Variants in EZR observed in about 807,000 individuals in gnomAD.
The protein encoded by EZR is ezrin.
Under a neutral mutation model 74.8 loss-of-function variants are expected in EZR, and 40 were observed. The observed-to-expected ratio is 0.53, with a 90% CI of 0.42 to 0.70. The LOEUF is 0.70. Among genes scored for constraint, EZR ranks in the 30% least tolerant of loss-of-function variants. EZR has a pLI of 0.00. For synonymous variants in EZR, 341 were observed against 283.3 expected (o/e 1.20, Z -2.05); for missense variants, 678 against 755.8 (o/e 0.90, Z 1.21).
chr6:158,767,621 A>T, intron 12 of EZR, 109 bp from the exon 13 acceptor site: 1 of 1,227,138 alleles, frequency 8.1e-7, no homozygotes, highest in Non-Finnish European at 1.1e-6. Flanking sequence ...GGCAGCACTG[A>T]ACTGTGCTGG....
In EZR at chr6:158,818,181, G is replaced by A. The variant is rs1777603944; in HGVS notation, c.-73-15C>T. The A allele has an allele frequency of 2.0e-6, 3 of 1,487,522 alleles. No homozygotes were observed. Among genetic ancestry groups the A allele is most frequent in the African/African-American group, 1.4e-5 (1 of 71,980 alleles). 92.1% of individuals were successfully genotyped at this position (1,487,522 alleles called of 1,614,324 possible). ...GCTGTCCCAACCTGGAGTCAGAGCA[G>A]AACCCTTAGAGCGCCCGCCCGCCCT... On this transcript the variant is annotated splice_polypyrimidine_tract_variant and intron_variant, in intron 1 of 13. Coordinates refer to ENST00000367075, the MANE Select transcript of EZR (RefSeq NM_001111077.2).
intron 11 of EZR, 99 bp from the exon 12 acceptor site, chr6:158,769,517 G>C (rs543365894): frequency 8.0e-7 from 1 of 1,251,048 alleles, no homozygotes; most frequent in Non-Finnish European, 1.1e-6. Flanking sequence ...AGTCTCCAAC[G>C]TGACACCTGA....
chr6:158,769,237 C>A, intron 12 of EZR, 89 bp downstream of exon 12: 1 of 1,137,308 alleles, frequency 8.8e-7, no homozygotes, highest in Non-Finnish European at 1.3e-6. Flanking sequence ...ACCTCTCCCC[C>A]AACCCACCCA....
At chr6:158,807,723 CT>C (rs1387450822) in intron 2 of EZR, among the ~76,000 whole-genome samples, 1 of 152,188 alleles carries the variant, frequency 6.6e-6, no homozygotes, top group Non-Finnish European at 1.5e-5. Flanking sequence ...TCACCACCCC[CT>C]GACGATGTAT....
At chr6:158,805,608 C>T (rs914935203) in intron 2 of EZR, among the ~76,000 whole-genome samples, 1 of 152,102 alleles carries the variant, frequency 6.6e-6, no homozygotes, top group African/African-American at 2.4e-5. Flanking sequence ...TTTAAAAAAT[C>T]CAAACTAAAT....
rs778674522 is a variant in EZR at position 158,767,431 on chromosome 6, G to C, written c.1426C>G (p.Pro476Ala). Residue 476 changes from proline (P) to alanine (A), a missense_variant, in exon 13 of 14, where the codon CCC becomes GCC. Around this residue, in one of 3 missense-constraint regions of EZR, gnomAD observed 342 missense variants for 341.2 expected, o/e 1.00. Transcript: ENST00000367075. Reference sequence around the variant, plus strand: ...TGGTAGCTCACCGGCTCGTACACGGGGGGTGGTGGGGGCGGGGGTGCTGTC... The same window carrying C: ...TGGTAGCTCACCGGCTCGTACACGGCGGGTGGTGGGGGCGGGGGTGCTGTC... Reference protein sequence around the residue: ...VMTAPPPPPPPVYEPVSYHVQ... With the variant: ...VMTAPPPPPPAVYEPVSYHVQ... 8.1e-6 allele frequency: 13 copies of C among 1,613,630 alleles called. No individual in the cohort carries two copies. In the Admixed American group the frequency reaches 1.0e-4, roughly 12 times the overall value.
At chr6:158,810,814 T>C (rs1011526195) in intron 2 of EZR, among the ~76,000 whole-genome samples, 2 of 152,200 alleles carry the variant, frequency 1.3e-5, no homozygotes, top group Non-Finnish European at 2.9e-5. Flanking sequence ...GCTTACAGCA[T>C]CTTAAGATGA....
At chr6:158,782,526 G>A (rs552502040) in intron 7 of EZR, among the ~76,000 whole-genome samples, 41 of 152,332 alleles carry the variant, frequency 2.7e-4, no homozygotes, top group African/African-American at 9.1e-4. Context: ...GGAACTCTGG[G>A]CCACTCTGCT....
At chr6:158,787,001 C>T (rs1791599243) in intron 4 of EZR, 107 bp downstream of exon 4, 2 of 893,204 alleles carry the variant, frequency 2.2e-6, no homozygotes, top group East Asian at 5.1e-5. Flanking sequence ...TTTACACAAA[C>T]AAAAAGGAAC....
At position 158,797,549 on chromosome 6, in the gene EZR, C is replaced by T. The variant is rs1334332546; in HGVS notation, c.13-8178G>A. Among the ~76,000 whole-genome samples, 3 of 152,152 alleles carry T rather than the reference C, an allele frequency of 2.0e-5. No individual in the cohort carries two copies. In the East Asian group the frequency reaches 5.8e-4, roughly 29 times the overall value. On this transcript the variant is annotated intron_variant, in intron 2 of 13. Coordinates refer to ENST00000367075, the MANE Select transcript of EZR (RefSeq NM_001111077.2). ...TTAAAATGTCAACGCTGTTTTCCAA[C>T]ATTCCAGCCTTCTTCCGAAGGTGCC...
At chr6:158,773,069 C>A (rs1463365670) in intron 8 of EZR, among the ~76,000 whole-genome samples, 1 of 152,100 alleles carries the variant, frequency 6.6e-6, no homozygotes, top group Non-Finnish European at 1.5e-5. Flanking sequence ...TTTTTATGAC[C>A]CACCTATCCC....
chr6:158,801,076 A>G (rs527969666), intron 2 of EZR, among the ~76,000 whole-genome samples: 6 of 152,324 alleles, frequency 3.9e-5, no homozygotes, highest in Non-Finnish European at 8.8e-5. Context: ...TCGAGCCTGC[A>G]GTGAGCCATG....
intron 2 of EZR, among the ~76,000 whole-genome samples, chr6:158,817,431 C>CG (rs1425791128): frequency 6.6e-6 from 1 of 152,302 alleles, no homozygotes; most frequent in East Asian, 1.9e-4. Context: ...CAGGAGTGCT[C>CG]GGCCCGGCCT....
At chr6:158,800,181 G>A (rs1199293381) in intron 2 of EZR, among the ~76,000 whole-genome samples, 1 of 152,164 alleles carries the variant, frequency 6.6e-6, no homozygotes, top group East Asian at 1.9e-4. Flanking sequence ...AACATTATTA[G>A]AGAAGTAAAA....
intron 1 of EZR, among the ~76,000 whole-genome samples, chr6:158,818,381 G>A (rs1289048700): frequency 6.6e-6 from 1 of 151,310 alleles, no homozygotes; most frequent in Non-Finnish European, 1.5e-5. Flanking sequence ...CCGAGAGCGG[G>A]GGCGCGCGCC....
At chr6:158,775,422 G>A (rs1482571205) in intron 8 of EZR, among the ~76,000 whole-genome samples, 2 of 152,188 alleles carry the variant, frequency 1.3e-5, no homozygotes, top group African/African-American at 4.8e-5. Context: ...TATGTGGGGA[G>A]AAGTAACAGG....
chr6:158,772,914 T>C (rs1259985108), intron 8 of EZR, among the ~76,000 whole-genome samples: 2 of 152,184 alleles, frequency 1.3e-5, no homozygotes, highest in Non-Finnish European at 1.5e-5. Context: ...TTTCATCTGT[T>C]CCAGAAATCC....
chr6:158,769,550 G>T (rs2128564413), intron 11 of EZR, 132 bp from the exon 12 acceptor site: 1 of 1,037,886 alleles, frequency 9.6e-7, no homozygotes, highest in Non-Finnish European at 1.4e-6. Flanking sequence ...CCCACTCCAT[G>T]GCCAGCAGGG....
At chr6:158,780,223 T>C (rs1467389779) in intron 7 of EZR, among the ~76,000 whole-genome samples, 6 of 150,132 alleles carry the variant, frequency 4.0e-5, no homozygotes, top group Admixed American at 4.0e-4. Flanking sequence ...AAAATGTAAA[T>C]CCAAAATATG....
Sources: gnomAD v4.1 joint callset for allele counts (sites outside exome capture counted in the v4.1 genomes callset) on GRCh38, gnomAD v4.1.1 for gene constraint, gnomAD v4.1.1 regional missense constraint, MANE v1.5 for transcripts, NCBI Gene and HGNC (gene_info 2026-07-23, HGNC 2026-07-21) for gene names.